Variants in KDM3B observed in about 807,000 individuals in gnomAD.
KDM3B encodes the protein lysine demethylase 3B, also known as lysine-specific demethylase 3B.
KDM3B carries 10 observed loss-of-function variants against 170.0 expected under a neutral mutation model. The ratio of observed to expected loss-of-function variants is 0.06; its 90% CI spans 0.04 to 0.10. The LOEUF (loss-of-function observed/expected upper bound fraction) is 0.10. Among genes scored for constraint, KDM3B ranks in the 10% least tolerant of loss-of-function variants. KDM3B has a pLI of 1.00. For missense variants in KDM3B, 1,394 were observed against 2,195.2 expected (o/e 0.64, Z 7.29); for synonymous variants, 831 against 834.8 (o/e 1.00, Z 0.08).
chr5:138,387,844 G>GCCA (rs1434275684), intron 7 of KDM3B, among the ~76,000 whole-genome samples: 4 of 152,278 alleles, frequency 2.6e-5, no homozygotes, highest in African/African-American at 9.6e-5. Context: ...CACTTTGGGA[G>GCCA]GCCAAGGCGG....
rs1372803492 is a variant in KDM3B, at chr5:138,419,045, C to T, written c.3528C>T (p.Asp1176=). The change falls in exon 14 of 24, where the codon GAC becomes GAT. Residue 1176 remains aspartate (D), a synonymous_variant. Coordinates refer to ENST00000314358, the MANE Select transcript of KDM3B (RefSeq NM_016604.4). Reference sequence around the variant, plus strand: ...CACCAGTAACAACTCCAGAGCCGGACCATGTTCCCAAAGCCGACAGCACTG... The same window carrying T: ...CACCAGTAACAACTCCAGAGCCGGATCATGTTCCCAAAGCCGACAGCACTG... ...GPAPVTTPEP[D]HVPKADSTDI... 1.2e-6 allele frequency: 2 copies of T among 1,614,102 alleles called. No individual in the cohort carries two copies. The highest frequency in any genetic ancestry group is 3.3e-5 in the Admixed American group (2 of 60,000).
intron 1 of KDM3B, among the ~76,000 whole-genome samples, chr5:138,362,587 A>ACACACACAC (rs1561755732): frequency 1.9e-4 from 15 of 78,496 alleles, no homozygotes; most frequent in East Asian, 4.9e-4. Flanking sequence ...CACACACACA[A>ACACACACAC]AATATCTTAA....
At chr5:138,368,018 GA>G (rs11386450) in intron 1 of KDM3B, among the ~76,000 whole-genome samples, 91 of 141,792 alleles carry the variant, frequency 6.4e-4, no homozygotes, top group Middle Eastern at 3.7e-3. Context: ...ATCTCAAAAA[GA>G]AAAAAAAAAA....
At position 138,396,164 on chromosome 5, in the gene KDM3B, T is replaced by C. The variant is rs1032542497; in HGVS notation, c.2832-2014T>C. 3.3e-5 allele frequency among the ~76,000 whole-genome samples: 5 copies of C among 151,998 alleles called. No individual in the cohort carries two copies. In the South Asian group the frequency reaches 8.3e-4, roughly 25 times the overall value. On this transcript the variant is annotated intron_variant, in intron 9 of 23. Coordinates refer to ENST00000314358, the MANE Select transcript of KDM3B (RefSeq NM_016604.4). ...AGGCTGGAGTGCAGTGGCGCAATCTTGGCTCACTGCAATCTCCGCCTCCCG... is the reference window on the plus strand; with the variant it reads ...AGGCTGGAGTGCAGTGGCGCAATCTCGGCTCACTGCAATCTCCGCCTCCCG...
rs1462499198 is a variant in KDM3B, at chr5:138,436,927, T to C, written c.*1227T>C. Reference sequence around the variant, plus strand: ...TTTTTTTTTTTTTTTTAAATAAAAGTCATTTAATGTAGAATACTTTTAATT... The same window carrying C: ...TTTTTTTTTTTTTTTTAAATAAAAGCCATTTAATGTAGAATACTTTTAATT... On this transcript the variant is annotated 3_prime_UTR_variant, in exon 24 of 24. Transcript: ENST00000314358. 1 of 151,498 alleles carries C rather than the reference T, an allele frequency of 6.6e-6. No homozygotes were observed. The highest frequency in any genetic ancestry group is 2.4e-5 in the African/African-American group (1 of 41,204). 9.4% of individuals were successfully genotyped at this position (151,498 alleles called of 1,614,324 possible).
At chr5:138,426,797 T>C (rs991663107) in intron 17 of KDM3B, 178 bp from the exon 18 acceptor site, 3 of 515,084 alleles carry the variant, frequency 5.8e-6, no homozygotes, top group Non-Finnish European at 1.0e-5. Flanking sequence ...GAGAATCGCT[T>C]GAACCCGGGA....
intron 7 of KDM3B, 50 bp from the exon 8 acceptor site, chr5:138,390,963 A>T: frequency 2.0e-6 from 3 of 1,486,258 alleles, no homozygotes; most frequent in Non-Finnish European, 2.7e-6. Context: ...AGAGATCATT[A>T]GATTGTCATG....
At chr5:138,371,388 C>T (rs1045616767) in intron 1 of KDM3B, among the ~76,000 whole-genome samples, 4 of 146,472 alleles carry the variant, frequency 2.7e-5, no homozygotes, top group African/African-American at 7.6e-5. Context: ...CCTAGGAAGT[C>T]GAGGCTGTAG....
At chr5:138,397,177 AAAAC>A (rs1235959170) in intron 9 of KDM3B, among the ~76,000 whole-genome samples, 1 of 152,046 alleles carries the variant, frequency 6.6e-6, no homozygotes, top group East Asian at 1.9e-4. Context: ...TAAAAATACA[AAAAC>A]AAAATCAGCT....
chr5:138,414,367 G>A (rs1763050610), intron 11 of KDM3B, among the ~76,000 whole-genome samples: 1 of 151,904 alleles, frequency 6.6e-6, no homozygotes, highest in South Asian at 2.1e-4. Flanking sequence ...GGGTTTCACC[G>A]TATTAGCCAG....
At chr5:138,372,200 G>A (rs1380599880) in intron 1 of KDM3B, among the ~76,000 whole-genome samples, 1 of 152,178 alleles carries the variant, frequency 6.6e-6, no homozygotes, top group Admixed American at 6.5e-5. Context: ...TTTGCCATAT[G>A]CATACATCAC....
intron 1 of KDM3B, among the ~76,000 whole-genome samples, chr5:138,367,749 T>G (rs974635823): frequency 5.9e-5 from 9 of 152,182 alleles, no homozygotes; most frequent in African/African-American, 2.2e-4. Context: ...GCATGATGGC[T>G]CACCCCTGTA....
At chr5:138,430,717 C>G (rs2127007299) in intron 22 of KDM3B, among the ~76,000 whole-genome samples, 1 of 152,154 alleles carries the variant, frequency 6.6e-6, no homozygotes, top group South Asian at 2.1e-4. Flanking sequence ...ATGGTGAAAC[C>G]CCATCTCTAC....
In KDM3B at chr5:138,381,389, C is replaced by G. The variant is rs145078034; in HGVS notation, c.706-127C>G. 8.7e-4 allele frequency: 553 copies of G among 632,210 alleles called. 9 individuals are homozygous for G. Among genetic ancestry groups the G allele is most frequent in the Non-Finnish European group, 1.5e-4 (52 of 355,852 alleles). The allele number at this position is 632,210 out of a possible 1,614,324, so 39.2% of individuals were successfully genotyped here. ...GTAAATGAGACAGTAGAGATCTCTGCTCTCATGGAGCTTTCATTCTAGTAG... is the reference window on the plus strand; with the variant it reads ...GTAAATGAGACAGTAGAGATCTCTGGTCTCATGGAGCTTTCATTCTAGTAG... On this transcript the variant is annotated intron_variant, in intron 5 of 23. Transcript: ENST00000314358.
chr5:138,359,513 C>T (rs1254747395), intron 1 of KDM3B, among the ~76,000 whole-genome samples: 2 of 146,894 alleles, frequency 1.4e-5, no homozygotes, highest in African/African-American at 5.1e-5. Flanking sequence ...CACAGTTTTG[C>T]CCAGGCTGGT....
At position 138,375,135 on chromosome 5, in the gene KDM3B, G is replaced by A; in HGVS notation, c.403G>A (p.Val135Ile). The change falls in exon 3 of 24, where the codon GTT (valine) becomes ATT (isoleucine). Residue 135 changes from valine to isoleucine, a missense_variant. This residue lies in a region of KDM3B where 166 missense variants were observed against 216.4 expected (regional missense o/e 0.77). Coordinates refer to ENST00000314358, the MANE Select transcript of KDM3B (RefSeq NM_016604.4). Reference protein sequence around the residue: ...LVDKLGLGSVVPVEYLLDREL... With the variant: ...LVDKLGLGSVIPVEYLLDREL... ...AGATAAACTGGGTTTGGGTTCTGTG[G>A]TTCCAGTGGAATATCTTCTGGATCG... The A allele has an allele frequency of 6.2e-7, 1 of 1,613,772 alleles. No individual in the cohort carries two copies. Among genetic ancestry groups the A allele is most frequent in the East Asian group, 2.2e-5 (1 of 44,858 alleles).
At chr5:138,435,375 G>A (rs571608159) in intron 23 of KDM3B, among the ~76,000 whole-genome samples, 6 of 152,296 alleles carry the variant, frequency 3.9e-5, no homozygotes, top group Admixed American at 6.5e-5. Context: ...CAGCAGCAGC[G>A]CCTGCCCAGG....
chr5:138,406,013 G>A (rs1762809944), intron 11 of KDM3B, among the ~76,000 whole-genome samples: 1 of 152,146 alleles, frequency 6.6e-6, no homozygotes, highest in Non-Finnish European at 1.5e-5. Context: ...CAAAAAATAT[G>A]TAAGTAGTTC....
At chr5:138,412,492 A>G (rs907616307) in intron 11 of KDM3B, among the ~76,000 whole-genome samples, 5 of 152,016 alleles carry the variant, frequency 3.3e-5, no homozygotes, top group African/African-American at 9.7e-5. Context: ...TCTCTACAAA[A>G]AAAATTTAAA....
Sources: allele counts gnomAD v4.1 joint callset (sites outside exome capture counted in the v4.1 genomes callset), GRCh38; gene constraint gnomAD v4.1.1; regional missense constraint gnomAD v4.1.1; transcripts MANE v1.5; gene names NCBI Gene and HGNC (gene_info 2026-07-23, HGNC 2026-07-21).